BCAS1: variants seen among roughly 807,000 people sequenced by gnomAD.
BCAS1 encodes breast carcinoma-amplified sequence 1.
In BCAS1, 46 loss-of-function variants were observed where a neutral mutation model predicts 65.4. That is an observed-to-expected ratio of 0.70 (90% CI 0.55 to 0.90). BCAS1 has a LOEUF of 0.90. Ranked by LOEUF, BCAS1 falls within the 40% of genes least tolerant of loss-of-function variation. The pLI, the probability that BCAS1 is intolerant of heterozygous loss-of-function variation, is 0.00. For synonymous variants in BCAS1, 298 were observed against 293.5 expected (o/e 1.02, Z -0.16); for missense variants, 793 against 771.2 (o/e 1.03, Z -0.33).
intron 10 of BCAS1, among the ~76,000 whole-genome samples, chr20:53,959,591 T>C (rs2089813187): frequency 6.6e-6 from 1 of 152,062 alleles, no homozygotes. Context: ...AGAGACAGAG[T>C]CTCACTATGT....
Position 54,058,264 on chromosome 20 carries a change from T to C in BCAS1, c.73-110A>G, listed in dbSNP as rs2092327296. 5.0e-6 allele frequency: 5 copies of C among 991,366 alleles called. No homozygotes were observed. The South Asian group carries it at 5.7e-5, about 11-fold the overall frequency. 61.4% of individuals were successfully genotyped at this position (991,366 alleles called of 1,614,324 possible). A position where few individuals can be genotyped will look rare whatever the true frequency, so the allele number is the denominator to read the frequency against. The stretch of plus-strand genomic sequence containing the variant: ...TGTCTCACAAAAAATTAAACTTAAC[T>C]TAAAGGCTGTGTTTCTAGAAACTCC... On this transcript the variant is annotated intron_variant, in intron 2 of 12. Coordinates refer to ENST00000688948, the MANE Select transcript of BCAS1 (RefSeq NM_001366298.2).
rs2089733634 is a variant in BCAS1, at chr20:53,957,421, A to G, written c.1551+11T>C. On this transcript the variant is annotated intron_variant, in intron 11 of 12. Coordinates refer to ENST00000688948, the MANE Select transcript of BCAS1 (RefSeq NM_001366298.2). ...TAATCCCACCACCAAACTGAGTTCG[A>G]GGTCACTTACTTGGCAGCTGGAGTC... 1.2e-6 allele frequency: 2 copies of G among 1,611,498 alleles called. No homozygotes were observed. Among genetic ancestry groups the G allele is most frequent in the Non-Finnish European group, 1.7e-6 (2 of 1,177,640 alleles).
intron 3 of BCAS1, among the ~76,000 whole-genome samples, chr20:54,045,210 C>CAAA (rs11086447): frequency 2.9e-5 from 4 of 136,122 alleles, no homozygotes; most frequent in Non-Finnish European, 4.9e-5. Context: ...GACCTCATCT[C>CAAA]AAAAAAAAAA....
At chr20:53,960,250 CT>C (rs576813239) in intron 10 of BCAS1, among the ~76,000 whole-genome samples, 154 of 152,264 alleles carry the variant, frequency 1.0e-3, no homozygotes, top group African/African-American at 3.5e-3. Context: ...GAATTCTAAA[CT>C]TCCCGTTAGT....
chr20:54,048,956 T>TA (rs1348828136), intron 3 of BCAS1, among the ~76,000 whole-genome samples: 1 of 152,188 alleles, frequency 6.6e-6, no homozygotes, highest in Non-Finnish European at 1.5e-5. Context: ...TGGAAACAGA[T>TA]AAAAAATAAG....
At chr20:53,992,684 T>G in intron 6 of BCAS1, 38 bp from the exon 7 acceptor site, 2 of 1,362,824 alleles carry the variant, frequency 1.5e-6, no homozygotes, top group South Asian at 2.3e-5. Flanking sequence ...AGAACTTTGT[T>G]TTTGAACAAA....
At position 53,974,984 on chromosome 20, in the gene BCAS1, C is replaced by T. The variant is rs143364018; in HGVS notation, c.1317+405G>A. 2.5e-3 allele frequency among the ~76,000 whole-genome samples: 385 copies of T among 152,246 alleles called. 2 individuals carry two copies. Among genetic ancestry groups the T allele is most frequent in the African/African-American group, 9.1e-3 (378 of 41,534 alleles). On this transcript the variant is annotated intron_variant, in intron 9 of 12. Coordinates refer to ENST00000688948, the MANE Select transcript of BCAS1 (RefSeq NM_001366298.2). ...TTCTCATGCCTGATGCAACTCCCTGCCCTGGGTACCGCCCAAAGTTAGTAA... is the reference window on the plus strand; with the variant it reads ...TTCTCATGCCTGATGCAACTCCCTGTCCTGGGTACCGCCCAAAGTTAGTAA...
intron 8 of BCAS1, among the ~76,000 whole-genome samples, chr20:53,981,353 A>G (rs1294559824): frequency 6.6e-6 from 1 of 152,196 alleles, no homozygotes; most frequent in East Asian, 1.9e-4. Context: ...TGTATTTGAA[A>G]CAAATCACCC....
chr20:53,976,395 GT>G (rs1019716217), intron 8 of BCAS1, among the ~76,000 whole-genome samples: 2 of 151,914 alleles, frequency 1.3e-5, no homozygotes, highest in East Asian at 3.9e-4. Flanking sequence ...TAAGAACTCT[GT>G]CTATATCCAT....
chr20:54,015,246 G>T (rs1302895471), intron 4 of BCAS1, among the ~76,000 whole-genome samples: 3 of 151,936 alleles, frequency 2.0e-5, no homozygotes, highest in Admixed American at 1.3e-4. Context: ...TGGCCAGGCT[G>T]ATCTCAAACT....
chr20:54,029,041 C>T, intron 3 of BCAS1, 69 bp from the exon 4 acceptor site: 11 of 1,508,820 alleles, frequency 7.3e-6, no homozygotes, highest in Non-Finnish European at 8.8e-6. Context: ...TAATGGACTC[C>T]AGACATTTTT....
At chr20:54,031,162 G>C (rs2091791575) in intron 3 of BCAS1, among the ~76,000 whole-genome samples, 2 of 151,662 alleles carry the variant, frequency 1.3e-5, no homozygotes, top group African/African-American at 2.4e-5. Context: ...CTAGTGGTAA[G>C]TAAGAGTGTT....
intron 2 of BCAS1, 37 bp downstream of exon 2, chr20:54,058,610 T>TTG: frequency 6.5e-7 from 1 of 1,527,840 alleles, no homozygotes; most frequent in South Asian, 1.3e-5. Flanking sequence ...TTTTTTTTTT[T>TTG]TTTCTGCTGA....
intron 1 of BCAS1, among the ~76,000 whole-genome samples, chr20:54,070,057 A>G (rs564104096): frequency 6.6e-6 from 1 of 152,262 alleles, no homozygotes; most frequent in African/African-American, 2.4e-5. Context: ...CCACTCGGCT[A>G]TGGGGCATTC....
At chr20:53,981,157 T>C (rs1197266135) in intron 8 of BCAS1, among the ~76,000 whole-genome samples, 1 of 152,218 alleles carries the variant, frequency 6.6e-6, no homozygotes, top group East Asian at 1.9e-4. Flanking sequence ...CTGTTCCTAG[T>C]GAGTCTTCTA....
chr20:54,002,115 T>C (rs2091070900), intron 4 of BCAS1, among the ~76,000 whole-genome samples: 1 of 152,080 alleles, frequency 6.6e-6, no homozygotes, highest in African/African-American at 2.4e-5. Context: ...CCTCATACTA[T>C]GTGAGGACCT....
Position 53,945,013 on chromosome 20 carries a change from A to G in BCAS1, c.1816-17T>C. ...CTTTGGTCCCTGGAGAAAAACAGAA[A>G]GACGTGGCAGCCTATTGAAGCTCTG... On this transcript the variant is annotated splice_polypyrimidine_tract_variant and intron_variant, in intron 12 of 12. Transcript: ENST00000688948. The G allele has an allele frequency of 1.2e-6, 2 of 1,612,194 alleles. No individual in the cohort carries two copies. Among genetic ancestry groups the G allele is most frequent in the East Asian group, 2.2e-5 (1 of 44,866 alleles).
chr20:53,991,348 T>C (rs769464541), intron 7 of BCAS1, among the ~76,000 whole-genome samples: 5 of 152,234 alleles, frequency 3.3e-5, no homozygotes, highest in Non-Finnish European at 4.4e-5. Flanking sequence ...TGTATGGAAA[T>C]TGAAAGGTGG....
intron 1 of BCAS1, among the ~76,000 whole-genome samples, chr20:54,066,351 C>A (rs564705872): frequency 6.6e-6 from 1 of 152,204 alleles, no homozygotes; most frequent in Non-Finnish European, 1.5e-5. Context: ...GGATTACAGG[C>A]GTGAGCCACC....
Sources: gnomAD v4.1 joint callset for allele counts (sites outside exome capture counted in the v4.1 genomes callset) on GRCh38, gnomAD v4.1.1 for gene constraint, MANE v1.5 for transcripts, NCBI Gene and HGNC (gene_info 2026-07-23, HGNC 2026-07-21) for gene names.